Variants in CFAP61 observed in about 807,000 individuals in gnomAD.
The protein encoded by CFAP61 is cilia- and flagella-associated protein 61.
A neutral mutation model predicts 135.6 loss-of-function variants in CFAP61; 107 were observed. That is an observed-to-expected ratio of 0.79 (90% CI 0.67 to 0.93). The LOEUF (loss-of-function observed/expected upper bound fraction) is 0.93. CFAP61 is among the 40% of genes least tolerant of loss of function. CFAP61 has a pLI of 0.00. For missense variants in CFAP61, 1,507 were observed against 1,556.2 expected (o/e 0.97, Z 0.53); for synonymous variants, 575 against 578.5 (o/e 0.99, Z 0.09).
At chr20:20,188,913 A>G (rs1450951880) in intron 14 of CFAP61, among the ~76,000 whole-genome samples, 3 of 152,168 alleles carry the variant, frequency 2.0e-5, no homozygotes, top group Admixed American at 2.0e-4. Flanking sequence ...TTCTAAGATC[A>G]GAGATTGGCT....
chr20:20,223,890 A>T (rs1008739972), intron 17 of CFAP61, among the ~76,000 whole-genome samples: 26 of 152,334 alleles, frequency 1.7e-4, no homozygotes, highest in African/African-American at 6.3e-4. Flanking sequence ...AGTAGTTATA[A>T]TTACATCCAG....
At chr20:20,076,928 C>A (rs1341560978) in intron 6 of CFAP61, among the ~76,000 whole-genome samples, 2 of 152,102 alleles carry the variant, frequency 1.3e-5, no homozygotes, top group African/African-American at 4.8e-5. Flanking sequence ...TTGTCTACAG[C>A]ACAAGATTGT....
intron 25 of CFAP61, chr20:20,322,967 A>C: frequency 1.0e-6 from 1 of 985,392 alleles, no homozygotes; most frequent in Non-Finnish European, 1.2e-6. Flanking sequence ...GAGACTGTTA[A>C]AGTTATCATA....
At chr20:20,087,760 G>A (rs1041097577) in intron 6 of CFAP61, among the ~76,000 whole-genome samples, 18 of 152,170 alleles carry the variant, frequency 1.2e-4, no homozygotes, top group African/African-American at 3.6e-4. Context: ...ATGCACACAC[G>A]GTAACATAGA....
At chr20:20,249,906 A>T (rs2050753691) in intron 19 of CFAP61, among the ~76,000 whole-genome samples, 1 of 152,230 alleles carries the variant, frequency 6.6e-6, no homozygotes, top group African/African-American at 2.4e-5. Flanking sequence ...TGGGTCTCTC[A>T]CAAATGTGGG....
chr20:20,248,211 A>G (rs1008143915), intron 19 of CFAP61, among the ~76,000 whole-genome samples: 1 of 152,116 alleles, frequency 6.6e-6, no homozygotes, highest in Non-Finnish European at 1.5e-5. Flanking sequence ...ACACAGCCAG[A>G]CCCCTTTGCA....
intron 16 of CFAP61, among the ~76,000 whole-genome samples, chr20:20,197,542 CAG>C (rs996635703): frequency 3.9e-5 from 6 of 152,094 alleles, no homozygotes; most frequent in African/African-American, 1.4e-4. Flanking sequence ...CACACACACA[CAG>C]AGACACCCCA....
intron 9 of CFAP61, among the ~76,000 whole-genome samples, chr20:20,149,626 G>A (rs1223784104): frequency 2.0e-5 from 3 of 152,298 alleles, no homozygotes; most frequent in Admixed American, 2.0e-4. Flanking sequence ...AACCTTACCT[G>A]CCACTGAAAT....
intron 2 of CFAP61, among the ~76,000 whole-genome samples, chr20:20,064,113 T>G (rs186946768): frequency 2.1e-5 from 3 of 145,230 alleles, no homozygotes; most frequent in African/African-American, 7.6e-5. Context: ...TGGTACCACA[T>G]CCGATTGTTA....
At chr20:20,358,965 C>T (rs76657242) in intron 26 of CFAP61, among the ~76,000 whole-genome samples, 6,381 of 152,304 alleles carry the variant, frequency 0.042, 216 homozygotes, top group Non-Finnish European at 0.06. Flanking sequence ...AAGCAGCCAG[C>T]TCAACCCTGG....
chr20:20,312,736 G>T (rs887321783), intron 25 of CFAP61, among the ~76,000 whole-genome samples: 3 of 152,176 alleles, frequency 2.0e-5, no homozygotes, highest in Middle Eastern at 6.3e-3. Flanking sequence ...CGAATAAGAT[G>T]AAAATGACAA....
chr20:20,096,526 CT>C lies in CFAP61; in HGVS notation c.700-2127del, dbSNP rs2047583826. ...ACAGCGGTCTTATAAATAATACATTCTTATCATACACATGCAGCTCGCTGTG... is the reference window on the plus strand; with the variant it reads ...ACAGCGGTCTTATAAATAATACATTCTATCATACACATGCAGCTCGCTGTG... On this transcript the variant is annotated intron_variant, in intron 7 of 26. Transcript: ENST00000245957. 2.0e-5 allele frequency among the ~76,000 whole-genome samples: 3 copies of C among 152,384 alleles called. No individual in the cohort carries two copies. In the South Asian group the frequency reaches 6.2e-4, roughly 32 times the overall value.
chr20:20,313,079 CTG>C (rs1203108251), intron 25 of CFAP61, among the ~76,000 whole-genome samples: 1 of 152,186 alleles, frequency 6.6e-6, no homozygotes, highest in African/African-American at 2.4e-5. Flanking sequence ...CCCTATGTGA[CTG>C]TATCTGGACA....
chr20:20,062,335 A>C (rs1333997388), intron 2 of CFAP61, among the ~76,000 whole-genome samples: 5 of 152,200 alleles, frequency 3.3e-5, no homozygotes, highest in Non-Finnish European at 5.9e-5. Flanking sequence ...GTAGCCACTA[A>C]ATTTGGGATA....
At chr20:20,111,784 G>A (rs1416467536) in intron 8 of CFAP61, among the ~76,000 whole-genome samples, 2 of 152,128 alleles carry the variant, frequency 1.3e-5, no homozygotes, top group South Asian at 4.2e-4. Flanking sequence ...AAAGAGAGAC[G>A]GGTTCCTTAA....
In CFAP61 at chr20:20,098,656, T is replaced by A; in HGVS notation, c.701T>A (p.Val234Glu). 1 of 1,560,056 alleles carries A rather than the reference T, an allele frequency of 6.4e-7. No homozygotes were observed. Among genetic ancestry groups the A allele is most frequent in the Non-Finnish European group, 8.6e-7 (1 of 1,157,110 alleles). ...DEENHAVVCE[V>E]EGTAVGFMSV... The stretch of plus-strand genomic sequence containing the variant: ...AATGAGGTGTTTTGGATATTTCAGG[T>A]GGAAGGCACAGCTGTTGGGTTCATG... Residue 234 changes from valine (V) to glutamate (E), a missense_variant and splice_region_variant, in exon 8 of 27, where the codon GTG becomes GAG. Coordinates refer to ENST00000245957, the MANE Select transcript of CFAP61 (RefSeq NM_015585.4).
At chr20:20,134,937 C>G (rs6035557) in intron 8 of CFAP61, among the ~76,000 whole-genome samples, 1 of 151,244 alleles carries the variant, frequency 6.6e-6, no homozygotes, top group African/African-American at 2.4e-5. Flanking sequence ...TAAAGACACC[C>G]TTGTATAATC....
At position 20,359,938 on chromosome 20, in the gene CFAP61, C is replaced by G. The variant is rs1018137923; in HGVS notation, c.3514-272C>G. 6.6e-6 allele frequency among the ~76,000 whole-genome samples: 1 copy of G among 151,974 alleles called. No individual in the cohort carries two copies. The highest frequency in any genetic ancestry group is 1.5e-5 in the Non-Finnish European group (1 of 68,018). On this transcript the variant is annotated intron_variant, in intron 26 of 26. Coordinates refer to ENST00000245957, the MANE Select transcript of CFAP61 (RefSeq NM_015585.4). This position sits in a 1 kb window ranked among gnomAD's most constrained non-coding sequence, Gnocchi z 4.0. ...TTAATGGAGACAGCGTTTCAGCTGA[C>G]GAAGATGAGAAAGTCCTGGAGATGG...
chr20:20,164,210 A>T lies in CFAP61; in HGVS notation c.1187A>T (p.Asp396Val), dbSNP rs973551532. 6.2e-7 allele frequency: 1 copy of T among 1,613,574 alleles called. No homozygotes were observed. Among genetic ancestry groups the T allele is most frequent in the African/African-American group, 1.3e-5 (1 of 75,032 alleles). The change falls in exon 11 of 27, where the codon GAT becomes GTT. Residue 396 changes from aspartate (D) to valine (V), a missense_variant. Physicochemically the swap from Asp to Val is radical, Grantham distance 152. Transcript: ENST00000245957. Reference sequence around the variant, plus strand: ...TTTTGTATTCAGCTGTTTTGTATTGATGAGAAATATGAAGCAAGGCAAGTA... The same window carrying T: ...TTTTGTATTCAGCTGTTTTGTATTGTTGAGAAATATGAAGCAAGGCAAGTA... ...AAFCIQLFCI[D>V]EKYEARSLDF...
Sources: allele counts gnomAD v4.1 joint callset (sites outside exome capture counted in the v4.1 genomes callset), GRCh38; gene constraint gnomAD v4.1.1; non-coding constraint Gnocchi (gnomAD v3.1); transcripts MANE v1.5; gene names NCBI Gene and HGNC (gene_info 2026-07-23, HGNC 2026-07-21).